FSIP2: variants seen among roughly 807,000 people sequenced by gnomAD.
The protein encoded by FSIP2 is fibrous sheath-interacting protein 2.
A neutral mutation model predicts 510.5 loss-of-function variants in FSIP2; 367 were observed. That is an observed-to-expected ratio of 0.72 (90% CI 0.66 to 0.78). The LOEUF is 0.78. Among genes scored for constraint, FSIP2 ranks in the 30% least tolerant of loss-of-function variants. The pLI is 0.00. For synonymous variants in FSIP2, 2,601 were observed against 2,732.2 expected (o/e 0.95, Z 1.50); for missense variants, 7,594 against 7,901.7 (o/e 0.96, Z 1.48).
rs532102879 is a variant in FSIP2 at position 185,823,636 on chromosome 2, A to G, written c.20427-798A>G. ...CAAGAATTGAAACCCTTGTGCATCA[A>G]TGGTGGGAACTTCAATAGTGCAGAC... On this transcript the variant is annotated intron_variant, in intron 19 of 22. Coordinates refer to ENST00000424728, the MANE Select transcript of FSIP2 (RefSeq NM_173651.4). Among the ~76,000 whole-genome samples, 52 of 151,886 alleles carry G rather than the reference A, an allele frequency of 3.4e-4. 1 individual carries two copies. Among genetic ancestry groups the G allele is most frequent in the Admixed American group, 9.2e-4 (14 of 15,206 alleles).
chr2:185,825,458 A>C (rs546741377), intron 20 of FSIP2, among the ~76,000 whole-genome samples: 16 of 151,860 alleles, frequency 1.1e-4, no homozygotes, highest in Non-Finnish European at 1.8e-4. Context: ...GAGCACTGAA[A>C]AATTACCTAT....
rs1693546211 is a variant in FSIP2 at position 185,805,567 on chromosome 2, C to T, written c.16261C>T (p.His5421Tyr). The change falls in exon 17 of 23, where the codon CAC (histidine) becomes TAC (tyrosine). Residue 5421 changes from histidine to tyrosine, a missense_variant. Coordinates refer to ENST00000424728, the MANE Select transcript of FSIP2 (RefSeq NM_173651.4). ...AGATAATATCACCCAAAGGGTTCAA[C>T]ACCTACCACAAAACACCTTTACACA... is the stretch of plus-strand genomic sequence containing the variant. ...NPDNITQRVQ[H>Y]LPQNTFTQIS... The T allele has an allele frequency of 6.2e-7, 1 of 1,610,678 alleles. No homozygotes were observed. The highest frequency in any genetic ancestry group is 1.3e-5 in the African/African-American group (1 of 74,784).
At chr2:185,757,595 C>T (rs1692267874) in intron 9 of FSIP2, among the ~76,000 whole-genome samples, 19 of 151,284 alleles carry the variant, frequency 1.3e-4, no homozygotes, top group Admixed American at 1.3e-3. Flanking sequence ...TCAGGTCTTC[C>T]TGGTTTCCAT....
At chr2:185,768,181 G>T (rs1272858931) in intron 13 of FSIP2, among the ~76,000 whole-genome samples, 2 of 151,966 alleles carry the variant, frequency 1.3e-5, no homozygotes, top group Non-Finnish European at 2.9e-5. Flanking sequence ...CACCTTATCA[G>T]ATATATGGTT....
At position 185,793,919 on chromosome 2, in the gene FSIP2, G is replaced by T; in HGVS notation, c.6783G>T (p.Leu2261Phe). ...TTACTAAAACTATTTTTAAACGTTT[G>T]GAATCTTTTGCCACAGAAAGAATAG... is the stretch of plus-strand genomic sequence containing the variant. ...NFITKTIFKRLESFATERIDS... is the reference protein window; with the variant it reads ...NFITKTIFKRFESFATERIDS... Residue 2261 changes from leucine to phenylalanine, a missense_variant, in exon 16 of 23, where the codon TTG (leucine) becomes TTT (phenylalanine). Physicochemically the swap from Leu to Phe is conservative, Grantham distance 22. Coordinates refer to ENST00000424728, the MANE Select transcript of FSIP2 (RefSeq NM_173651.4). 2.0e-6 allele frequency: 3 copies of T among 1,525,186 alleles called. No individual in the cohort carries two copies. Among genetic ancestry groups the T allele is most frequent in the Non-Finnish European group, 2.6e-6 (3 of 1,142,812 alleles). 94.5% of individuals were successfully genotyped at this position (1,525,186 alleles called of 1,614,324 possible). A position where few individuals can be genotyped will look rare whatever the true frequency, so the allele number is the denominator to read the frequency against.
In FSIP2 at chr2:185,763,745, G is replaced by A. The variant is rs189945220; in HGVS notation, c.1347+456G>A. Among the ~76,000 whole-genome samples, 246 of 151,680 alleles carry A rather than the reference G, an allele frequency of 1.6e-3. 2 individuals carry two copies. Among genetic ancestry groups the A allele is most frequent in the African/African-American group, 5.8e-3 (241 of 41,502 alleles). ...AGCTCAACTGCCCTAGGGAGTTAATGTGGTTTGAAATAGATTTCAATAAAC... is the reference window on the plus strand; with the variant it reads ...AGCTCAACTGCCCTAGGGAGTTAATATGGTTTGAAATAGATTTCAATAAAC... On this transcript the variant is annotated intron_variant, in intron 12 of 22. Coordinates refer to ENST00000424728, the MANE Select transcript of FSIP2 (RefSeq NM_173651.4).
rs1692057333 is a variant in FSIP2 at position 185,747,479 on chromosome 2, G to GT, written c.870+62dup. On this transcript the variant is annotated intron_variant, in intron 7 of 22. Transcript: ENST00000424728. The stretch of plus-strand genomic sequence containing the variant: ...TGTTCGAAGAGAAGATTTTGTTTTG[G>GT]TTTTTTGAAGTACAAATCACTTTGT... The GT allele has an allele frequency of 6.4e-6, 6 of 940,694 alleles. No homozygotes were observed. In the South Asian group the frequency reaches 8.8e-5, roughly 14 times the overall value. The allele number at this position is 940,694 out of a possible 1,614,324, so 58.3% of individuals were successfully genotyped here. A position where few individuals can be genotyped will look rare whatever the true frequency, so the allele number is the denominator to read the frequency against.
chr2:185,800,660 C>A lies in FSIP2; in HGVS notation c.11354C>A (p.Ala3785Glu). 2.6e-6 allele frequency: 4 copies of A among 1,534,054 alleles called. No homozygotes were observed. The highest frequency in any genetic ancestry group is 3.5e-6 in the Non-Finnish European group (4 of 1,145,592). Residue 3785 changes from alanine to glutamate, a missense_variant, in exon 17 of 23, where the codon GCA becomes GAA. Transcript: ENST00000424728. ...DKGSVSEETS[A>E]EECQLLKMLQ... ...GGGTCTGTTTCAGAGGAAACATCAGCAGAAGAATGTCAACTTTTAAAAATG... is the reference window on the plus strand; with the variant it reads ...GGGTCTGTTTCAGAGGAAACATCAGAAGAAGAATGTCAACTTTTAAAAATG...
intron 7 of FSIP2, among the ~76,000 whole-genome samples, chr2:185,753,049 C>A (rs1234016053): frequency 6.6e-6 from 1 of 151,220 alleles, no homozygotes; most frequent in Non-Finnish European, 1.5e-5. Context: ...GAGTTAAGAT[C>A]CATCTTAGTA....
At position 185,794,631 on chromosome 2, in the gene FSIP2, A is replaced by G; in HGVS notation, c.7495A>G (p.Arg2499Gly). The G allele has an allele frequency of 2.0e-6, 3 of 1,532,730 alleles. No homozygotes were observed. Among genetic ancestry groups the G allele is most frequent in the Non-Finnish European group, 2.6e-6 (3 of 1,145,294 alleles). 94.9% of individuals were successfully genotyped at this position (1,532,730 alleles called of 1,614,324 possible). A position where few individuals can be genotyped will look rare whatever the true frequency, so the allele number is the denominator to read the frequency against. Reference sequence around the variant, plus strand: ...TTTGAATAAGTTGTATCAAAGAGTAAGGGAAGTCACAGGCCATTTGCCTCC... The same window carrying G: ...TTTGAATAAGTTGTATCAAAGAGTAGGGGAAGTCACAGGCCATTTGCCTCC... Reference protein sequence around the residue: ...ELLNKLYQRVREVTGHLPPLN... With the variant: ...ELLNKLYQRVGEVTGHLPPLN... The change falls in exon 16 of 23, where the codon AGG (arginine) becomes GGG (glycine). Residue 2499 changes from arginine to glycine, a missense_variant. Coordinates refer to ENST00000424728, the MANE Select transcript of FSIP2 (RefSeq NM_173651.4).
chr2:185,796,055 C>T lies in FSIP2; in HGVS notation c.8919C>T (p.Asn2973=). 1 of 1,531,680 alleles carries T rather than the reference C, an allele frequency of 6.5e-7. No homozygotes were observed. The highest frequency in any genetic ancestry group is 8.7e-7 in the Non-Finnish European group (1 of 1,145,232). The allele number at this position is 1,531,680 out of a possible 1,614,324, so 94.9% of individuals were successfully genotyped here. A position where few individuals can be genotyped will look rare whatever the true frequency, so the allele number is the denominator to read the frequency against. The change falls in exon 16 of 23, where the codon AAC becomes AAT. Residue 2973 remains asparagine (N), a synonymous_variant. Coordinates refer to ENST00000424728, the MANE Select transcript of FSIP2 (RefSeq NM_173651.4). ...KHSLSSLPIY[N]TKTKDQISVG... ...GCCTCAGCAGTTTACCAATCTATAA[C>T]ACAAAGACAAAAGACCAAATTTCTG... is the stretch of plus-strand genomic sequence containing the variant.
At chr2:185,768,208 A>G (rs1692535335) in intron 13 of FSIP2, among the ~76,000 whole-genome samples, 1 of 152,072 alleles carries the variant, frequency 6.6e-6, no homozygotes, top group East Asian at 1.9e-4. Context: ...TATTTTATAC[A>G]ATTCTGTAGG....
Position 185,793,942 on chromosome 2 carries a change from T to C in FSIP2, c.6806T>C (p.Ile2269Thr). ...KRLESFATER[I>T]DSLITLAFQS... ...TTGGAATCTTTTGCCACAGAAAGAATAGATTCATTAATTACCCTTGCTTTC... is the reference window on the plus strand; with the variant it reads ...TTGGAATCTTTTGCCACAGAAAGAACAGATTCATTAATTACCCTTGCTTTC... The change falls in exon 16 of 23, where the codon ATA (isoleucine) becomes ACA (threonine). Residue 2269 changes from isoleucine (I) to threonine (T), a missense_variant. Coordinates refer to ENST00000424728, the MANE Select transcript of FSIP2 (RefSeq NM_173651.4). The C allele has an allele frequency of 1.3e-6, 2 of 1,526,316 alleles. No individual in the cohort carries two copies. Among genetic ancestry groups the C allele is most frequent in the East Asian group, 2.5e-5 (1 of 40,766 alleles). The allele number at this position is 1,526,316 out of a possible 1,614,324, so 94.5% of individuals were successfully genotyped here.
At chr2:185,738,780 G>C, upstream of FSIP2, 1 of 1,536,028 alleles carries the variant, frequency 6.5e-7, no homozygotes, top group Non-Finnish European at 8.7e-7. Context: ...CGGGGGGCGG[G>C]GCTGAGGTCG....
Position 185,803,029 on chromosome 2 carries a change from A to G in FSIP2, c.13723A>G (p.Arg4575Gly). The change falls in exon 17 of 23, where the codon AGA (arginine) becomes GGA (glycine). Residue 4575 changes from arginine (R) to glycine (G), a missense_variant. Arg to Gly is a moderately radical substitution (Grantham distance 125). Transcript: ENST00000424728. ...AAGCAGTAATGACATTCTTATAGAT[A>G]GAATAGCAGGTTTCATCATTAAACA... Reference protein sequence around the residue: ...ITSSNDILIDRIAGFIIKHIC... With the variant: ...ITSSNDILIDGIAGFIIKHIC... 6.6e-7 allele frequency: 1 copy of G among 1,525,750 alleles called. No individual in the cohort carries two copies. The highest frequency in any genetic ancestry group is 8.8e-7 in the Non-Finnish European group (1 of 1,142,596). The allele number at this position is 1,525,750 out of a possible 1,614,324, so 94.5% of individuals were successfully genotyped here.
rs1693291761 is a variant in FSIP2 at position 185,796,766 on chromosome 2, C to G, written c.9630C>G (p.Val3210=). 6.5e-7 allele frequency: 1 copy of G among 1,535,058 alleles called. No homozygotes were observed. The highest frequency in any genetic ancestry group is 2.0e-5 in the Admixed American group (1 of 50,888). The part of the protein sequence containing the change: ...YRVSSDLPTS[V]RSSVEDTVKN... ...TTTCATCAGATTTACCCACCTCTGT[C>G]AGATCCTCTGTAGAAGACACAGTTA... is the stretch of plus-strand genomic sequence containing the variant. Residue 3210 remains valine (V), a synonymous_variant, in exon 16 of 23, where the codon GTC becomes GTG. Transcript: ENST00000424728.
At position 185,796,698 on chromosome 2, in the gene FSIP2, T is replaced by C. The variant is rs747159663; in HGVS notation, c.9562T>C (p.Phe3188Leu). The change falls in exon 16 of 23, where the codon TTT (phenylalanine) becomes CTT (leucine). Residue 3188 changes from phenylalanine (F) to leucine (L), a missense_variant. Phe to Leu is a conservative substitution (Grantham distance 22). Coordinates refer to ENST00000424728, the MANE Select transcript of FSIP2 (RefSeq NM_173651.4). ...INPSQVSKTG[F>L]VFCSDEDMKE... ...TCCTTCACAAGTGAGTAAAACTGGG[T>C]TTGTGTTTTGTTCAGATGAAGATAT... 1.0e-5 allele frequency: 16 copies of C among 1,534,960 alleles called. No homozygotes were observed. The highest frequency in any genetic ancestry group is 1.4e-5 in the Non-Finnish European group (16 of 1,146,262).
At chr2:185,831,586 A>G (rs1171078426) in intron 21 of FSIP2, among the ~76,000 whole-genome samples, 2 of 151,962 alleles carry the variant, frequency 1.3e-5, no homozygotes, top group Non-Finnish European at 2.9e-5. Flanking sequence ...AGTGCTAGCC[A>G]AAGTCTGCAT....
chr2:185,787,233 A>AAGC (rs1329201525), intron 15 of FSIP2, among the ~76,000 whole-genome samples: 4 of 32,016 alleles, frequency 1.2e-4, no homozygotes, highest in Non-Finnish European at 2.7e-4. Context: ...TTTACAACAT[A>AAGC]AGATTGTCAT....
Sources: allele counts gnomAD v4.1 joint callset (sites outside exome capture counted in the v4.1 genomes callset), GRCh38; gene constraint gnomAD v4.1.1; transcripts MANE v1.5; gene names NCBI Gene and HGNC (gene_info 2026-07-23, HGNC 2026-07-21).